Variants in UNC13B observed in about 807,000 individuals in gnomAD.
The protein encoded by UNC13B is unc-13 homolog B, also known as protein unc-13 homolog B.
A neutral mutation model predicts 211.0 loss-of-function variants in UNC13B; 144 were observed. The observed-to-expected ratio is 0.68, with a 90% CI of 0.60 to 0.78. UNC13B has a LOEUF of 0.78. Among genes scored for constraint, UNC13B ranks in the 30% least tolerant of loss-of-function variants. The pLI is 0.00. For missense variants in UNC13B, 1,777 were observed against 2,002.0 expected (o/e 0.89, Z 2.14); for synonymous variants, 709 against 725.8 (o/e 0.98, Z 0.37).
chr9:35,279,330 A>T (rs1828354643), intron 7 of UNC13B, among the ~76,000 whole-genome samples: 1 of 152,166 alleles, frequency 6.6e-6, no homozygotes, highest in South Asian at 2.1e-4. Context: ...TTAGCAGCAT[A>T]ATGTTTTTGA....
chr9:35,190,381 C>T (rs1206068273), intron 1 of UNC13B, among the ~76,000 whole-genome samples: 2 of 152,178 alleles, frequency 1.3e-5, no homozygotes, highest in Admixed American at 1.3e-4. Flanking sequence ...TATCTCCTAC[C>T]TAGTTATTAC....
intron 1 of UNC13B, among the ~76,000 whole-genome samples, chr9:35,221,997 A>G (rs1824591166): frequency 6.6e-6 from 1 of 152,174 alleles, no homozygotes; most frequent in Non-Finnish European, 1.5e-5. Context: ...TGAACTTTCT[A>G]ATTTTTTCCA....
chr9:35,240,252 T>G (rs969822316), intron 5 of UNC13B, among the ~76,000 whole-genome samples: 2 of 152,226 alleles, frequency 1.3e-5, no homozygotes, highest in Non-Finnish European at 2.9e-5. Flanking sequence ...CAACAGTATC[T>G]TGTTTTAGTT....
chr9:35,352,593 A>G, intron 11 of UNC13B: 1 of 1,232,180 alleles, frequency 8.1e-7, no homozygotes, highest in Non-Finnish European at 1.0e-6. Flanking sequence ...GGAACATATC[A>G]GATGAAGGCT....
chr9:35,370,242 G>A (rs752528206), intron 12 of UNC13B, 76 bp from the exon 13 acceptor site: 13 of 1,280,006 alleles, frequency 1.0e-5, no homozygotes, highest in Non-Finnish European at 1.3e-5. Context: ...GGGAGAGCAA[G>A]GTGAATGGAA....
rs1034261743 is a variant in UNC13B, at chr9:35,342,179, G to A, written c.9415-24768G>A. 2.6e-5 allele frequency: 26 copies of A among 985,438 alleles called. No homozygotes were observed. The African/African-American group carries it at 4.4e-4, about 17-fold the overall frequency. 61.0% of individuals were successfully genotyped at this position (985,438 alleles called of 1,614,324 possible). A position where few individuals can be genotyped will look rare whatever the true frequency, so the allele number is the denominator to read the frequency against. ...CTGTTTGTCGGTTGGGCAAGCAGTG[G>A]TGCTTTGGCTCAGAAAGTTCGTCCT... On this transcript the variant is annotated intron_variant, in intron 11 of 39. Transcript: ENST00000635942.
At position 35,384,338 on chromosome 9, in the gene UNC13B, C is replaced by A. The variant is rs199724123; in HGVS notation, c.10875+24C>A. ...GGGTGAGTGAAGACACGGCTGTGGG[C>A]AGGATAATAGATATCAAGCACGGTC... On this transcript the variant is annotated intron_variant, in intron 22 of 39. Transcript: ENST00000635942. The A allele has an allele frequency of 5.9e-5, 95 of 1,612,366 alleles. No homozygotes were observed. The African/African-American group carries it at 9.7e-4, about 17-fold the overall frequency.
intron 1 of UNC13B, 88 bp from the exon 2 acceptor site, chr9:35,227,927 A>T: frequency 8.9e-7 from 1 of 1,119,644 alleles, no homozygotes; most frequent in Non-Finnish European, 1.3e-6. Context: ...ACCTAGTTCT[A>T]ACATTGGTAT....
rs1030908841 is a variant in UNC13B at position 35,312,004 on chromosome 9, A to G, written c.9323+1223A>G. On this transcript the variant is annotated intron_variant, in intron 10 of 39. Coordinates refer to ENST00000635942, the MANE Select transcript of UNC13B (RefSeq NM_001371189.2). ...TGGGCCAGATTATTCTTTGTTGTGTATATTATAGGATGTTTAATAGCATCA... is the reference window on the plus strand; with the variant it reads ...TGGGCCAGATTATTCTTTGTTGTGTGTATTATAGGATGTTTAATAGCATCA... Among the ~76,000 whole-genome samples, 3 of 152,126 alleles carry G rather than the reference A, an allele frequency of 2.0e-5. No individual in the cohort carries two copies. In the East Asian group the frequency reaches 5.8e-4, roughly 29 times the overall value.
At position 35,243,360 on chromosome 9, in the gene UNC13B, A is replaced by G. The variant is rs749704856; in HGVS notation, c.464A>G (p.Asn155Ser). The G allele has an allele frequency of 1.7e-5, 27 of 1,613,338 alleles. No homozygotes were observed. In the Middle Eastern group the frequency reaches 9.9e-4, roughly 59 times the overall value. The change falls in exon 6 of 40, where the codon AAT becomes AGT. Residue 155 changes from asparagine (N) to serine (S), a missense_variant. By Grantham distance (46) the Asn-to-Ser change is conservative. Transcript: ENST00000635942. ...CAAATCAATGCCTTGGGAGCTGACA[A>G]TGAGGTAGGAGCAGCCTTATTTGCA... ...WEQINALGAD[N>S]EYSSQEESQR...
intron 7 of UNC13B, among the ~76,000 whole-genome samples, chr9:35,260,038 CAAAAAAAAAAA>C (rs61273217): frequency 9.3e-5 from 6 of 64,802 alleles, no homozygotes; most frequent in South Asian, 9.2e-4. Flanking sequence ...CTCATTTCTA[CAAAAAAAAAAA>C]AAAAAAAAAA....
intron 36 of UNC13B, 123 bp downstream of exon 36, chr9:35,399,852 T>G: frequency 1.1e-6 from 1 of 941,000 alleles, no homozygotes; most frequent in South Asian, 1.5e-5. Flanking sequence ...AGAGTTACTA[T>G]GTACTGCCAA....
At chr9:35,219,323 G>A (rs1262442046) in intron 1 of UNC13B, among the ~76,000 whole-genome samples, 1 of 152,060 alleles carries the variant, frequency 6.6e-6, no homozygotes. Flanking sequence ...TCACTATTAG[G>A]AGAAGCCACT....
chr9:35,384,946 G>T, intron 22 of UNC13B: 1 of 831,260 alleles, frequency 1.2e-6, no homozygotes, highest in Non-Finnish European at 1.5e-6. Flanking sequence ...ACATTAAAAA[G>T]TAAGTATAAA....
chr9:35,328,662 T>TCCTTCCTTCCTTCCTC (rs1831182206), intron 11 of UNC13B, among the ~76,000 whole-genome samples: 1 of 88,162 alleles, frequency 1.1e-5, no homozygotes, highest in Non-Finnish European at 2.0e-5. Context: ...CTTCCTTCCT[T>TCCTTCCTTCCTTCCTC]CCTCCCTCCC....
chr9:35,383,473 G>A (rs1447222967), intron 21 of UNC13B, among the ~76,000 whole-genome samples: 1 of 152,104 alleles, frequency 6.6e-6, no homozygotes, highest in East Asian at 1.9e-4. Flanking sequence ...GTTGTTGATA[G>A]AGCCTTTCTG....
chr9:35,341,511 C>T (rs929346700), intron 11 of UNC13B, among the ~76,000 whole-genome samples: 25 of 152,284 alleles, frequency 1.6e-4, no homozygotes, highest in African/African-American at 4.8e-4. Flanking sequence ...AGCAGTTCCA[C>T]GGCTGGCATG....
chr9:35,384,144 A>G (rs775532812), intron 21 of UNC13B, 102 bp from the exon 22 acceptor site: 5 of 1,544,834 alleles, frequency 3.2e-6, no homozygotes, highest in Non-Finnish European at 3.5e-6. Context: ...ATGCCTCCCG[A>G]CTCTTTCTAC....
At chr9:35,172,703 A>G (rs1821397523) in intron 1 of UNC13B, among the ~76,000 whole-genome samples, 1 of 152,242 alleles carries the variant, frequency 6.6e-6, no homozygotes, top group South Asian at 2.1e-4. Context: ...TGATGTCCAG[A>G]AATAATTATC....
Sources: gnomAD v4.1 joint callset for allele counts (sites outside exome capture counted in the v4.1 genomes callset) on GRCh38, gnomAD v4.1.1 for gene constraint, MANE v1.5 for transcripts, NCBI Gene and HGNC (gene_info 2026-07-23, HGNC 2026-07-21) for gene names.